Variants in INPP5F observed in about 807,000 individuals in gnomAD.
INPP5F encodes inositol polyphosphate-5-phosphatase F.
Under a neutral mutation model 137.2 loss-of-function variants are expected in INPP5F, and 97 were observed. The observed-to-expected ratio is 0.71, with a 90% confidence interval of 0.60 to 0.84. The LOEUF (loss-of-function observed/expected upper bound fraction) is 0.84. Ranked by LOEUF, INPP5F falls within the 40% of genes least tolerant of loss-of-function variation. The probability of loss-of-function intolerance (pLI) is 0.00; values close to 1 mark genes in which losing one functional copy is unlikely to be tolerated. For missense variants in INPP5F, 1,271 were observed against 1,371.9 expected, an observed-to-expected ratio of 0.93 and a Z score of 1.16; for synonymous variants, 504 against 476.9, an observed-to-expected ratio of 1.06 and a Z score of -0.74.
At chr10:119,767,740 C>G (rs196198) in intron 2 of INPP5F, among the ~76,000 whole-genome samples, 3 of 152,062 alleles carry the variant, frequency 2.0e-5, no homozygotes, top group Non-Finnish European at 4.4e-5. Flanking sequence ...ATTAGCCTAA[C>G]GAAAACTGGT....
rs201734045 is a variant in INPP5F, at chr10:119,806,524, C to CT, written c.1440+53dup. 1,799 of 1,503,458 alleles carry CT rather than the reference C, an allele frequency of 1.2e-3. 6 individuals carry two copies. The African/African-American group carries it at 0.012, about 10-fold the overall frequency. The allele number at this position is 1,503,458 out of a possible 1,614,324, so 93.1% of individuals were successfully genotyped here. On this transcript the variant is annotated intron_variant, in intron 12 of 19. Transcript: ENST00000650623. ...GATTGCAAATATTCATTTCGAAATG[C>CT]TTTTTTTTTCCATGAGTAAGCAAAT... is the stretch of plus-strand genomic sequence containing the variant.
chr10:119,782,085 C>T (rs908674782), intron 3 of INPP5F, among the ~76,000 whole-genome samples: 1 of 152,172 alleles, frequency 6.6e-6, no homozygotes, highest in Non-Finnish European at 1.5e-5. Context: ...CTGCACAGTA[C>T]AGTTTGAAAA....
intron 2 of INPP5F, among the ~76,000 whole-genome samples, chr10:119,776,729 G>T (rs1849535535): frequency 6.6e-6 from 1 of 151,174 alleles, no homozygotes; most frequent in African/African-American, 2.4e-5. Context: ...AGAAAGAGAG[G>T]TCCTTGAGTC....
At position 119,812,857 on chromosome 10, in the gene INPP5F, A is replaced by G. The variant is rs192676607; in HGVS notation, c.1886+902A>G. ...TTTGTTTAAGCCATTTGGTAAAGCT[A>G]TTTTGATTCATGTCCTTCACTTGTA... is the stretch of plus-strand genomic sequence containing the variant. On this transcript the variant is annotated intron_variant, in intron 15 of 19. Coordinates refer to ENST00000650623, the MANE Select transcript of INPP5F (RefSeq NM_014937.4). Among the ~76,000 whole-genome samples, 32 of 151,920 alleles carry G rather than the reference A, an allele frequency of 2.1e-4. No homozygotes were observed. The East Asian group carries it at 4.1e-3, about 19-fold the overall frequency.
intron 3 of INPP5F, among the ~76,000 whole-genome samples, chr10:119,786,075 T>G (rs572324116): frequency 1.3e-5 from 2 of 152,362 alleles, no homozygotes; most frequent in South Asian, 4.1e-4. Flanking sequence ...CTGTTTAAAA[T>G]TTTAGCTTCA....
At chr10:119,765,707 A>G (rs1429185040) in intron 2 of INPP5F, among the ~76,000 whole-genome samples, 1 of 149,238 alleles carries the variant, frequency 6.7e-6, no homozygotes, top group Non-Finnish European at 1.5e-5. Flanking sequence ...ATGGGGAGTC[A>G]GCACCCCTAA....
intron 3 of INPP5F, among the ~76,000 whole-genome samples, chr10:119,785,288 T>TG (rs1849850055): frequency 4.3e-5 from 6 of 138,076 alleles, no homozygotes; most frequent in African/African-American, 1.4e-4. Context: ...GCCAGACTGT[T>TG]TTTTTTTTTT....
chr10:119,806,135 CCA>C (rs1039137444), intron 11 of INPP5F, among the ~76,000 whole-genome samples: 1 of 151,948 alleles, frequency 6.6e-6, no homozygotes, highest in Non-Finnish European at 1.5e-5. Context: ...TCTCTGCACC[CCA>C]GTTTTTTTTT....
chr10:119,752,926 A>G (rs2134127427), intron 2 of INPP5F, among the ~76,000 whole-genome samples: 1 of 150,958 alleles, frequency 6.6e-6, no homozygotes, highest in Admixed American at 6.6e-5. Flanking sequence ...TCACTGGGTA[A>G]TTGAGTTGTT....
intron 3 of INPP5F, among the ~76,000 whole-genome samples, chr10:119,785,688 G>A (rs1255429697): frequency 6.6e-6 from 1 of 151,956 alleles, no homozygotes; most frequent in Non-Finnish European, 1.5e-5. Flanking sequence ...GCAAGACCCT[G>A]TCTCTATGAA....
intron 1 of INPP5F, among the ~76,000 whole-genome samples, chr10:119,726,668 G>T (rs2134092340): frequency 6.6e-6 from 1 of 152,342 alleles, no homozygotes; most frequent in South Asian, 2.1e-4. Context: ...CCCTCCGGCA[G>T]AAAGTTCCAG....
intron 1 of INPP5F, among the ~76,000 whole-genome samples, chr10:119,727,235 A>G (rs1215816632): frequency 6.6e-6 from 1 of 152,184 alleles, no homozygotes; most frequent in Non-Finnish European, 1.5e-5. Flanking sequence ...AAGCGAGAGG[A>G]TAGAGTTCTT....
intron 2 of INPP5F, among the ~76,000 whole-genome samples, chr10:119,769,894 C>A (rs1459688281): frequency 6.6e-6 from 1 of 152,154 alleles, no homozygotes; most frequent in Non-Finnish European, 1.5e-5. Flanking sequence ...GTCACATGAG[C>A]AATTCCAATA....
chr10:119,777,883 A>C (rs1246781551), intron 2 of INPP5F, among the ~76,000 whole-genome samples: 1 of 152,192 alleles, frequency 6.6e-6, no homozygotes, highest in African/African-American at 2.4e-5. Flanking sequence ...ATGTTTCCAA[A>C]CTTCTGCATT....
At position 119,731,430 on chromosome 10, in the gene INPP5F, G is replaced by A. The variant is rs189903256; in HGVS notation, c.97+5071G>A. On this transcript the variant is annotated intron_variant, in intron 1 of 19. Coordinates refer to ENST00000650623, the MANE Select transcript of INPP5F (RefSeq NM_014937.4). Reference sequence around the variant, plus strand: ...TGTAATCCCAGCACTTTGGAAGGCCGAGGTGGATGGATCACTTGAGGTCAG... The same window carrying A: ...TGTAATCCCAGCACTTTGGAAGGCCAAGGTGGATGGATCACTTGAGGTCAG... Among the ~76,000 whole-genome samples, 318 of 152,238 alleles carry A rather than the reference G, an allele frequency of 2.1e-3. 3 individuals are homozygous for A. Among genetic ancestry groups the A allele is most frequent in the African/African-American group, 7.3e-3 (303 of 41,540 alleles).
chr10:119,792,349 C>T, intron 6 of INPP5F, 136 bp downstream of exon 6: 1 of 681,478 alleles, frequency 1.5e-6, no homozygotes, highest in South Asian at 2.0e-5. Context: ...ACGTTTTCCC[C>T]TATGGAATGG....
At chr10:119,794,770 ACGGGGCGGC>A in intron 6 of INPP5F, among the ~76,000 whole-genome samples, 1 of 116,764 alleles carries the variant, frequency 8.6e-6, no homozygotes, top group Non-Finnish European at 1.8e-5. Context: ...TCCCTCCCGG[ACGGGGCGGC>A]TGGCCGGGCG....
intron 2 of INPP5F, among the ~76,000 whole-genome samples, chr10:119,767,412 A>G (rs575878780): frequency 1.3e-5 from 2 of 152,334 alleles, no homozygotes; most frequent in East Asian, 1.9e-4. Flanking sequence ...TATCCCCTAC[A>G]GTGTAACCAC....
chr10:119,770,203 T>A (rs1849296881), intron 2 of INPP5F, among the ~76,000 whole-genome samples: 1 of 152,222 alleles, frequency 6.6e-6, no homozygotes, highest in African/African-American at 2.4e-5. Context: ...GTTACAAAAT[T>A]GACTTTTTCC....
Sources: allele counts gnomAD v4.1 joint callset (sites outside exome capture counted in the v4.1 genomes callset), GRCh38; gene constraint gnomAD v4.1.1; transcripts MANE v1.5; gene names NCBI Gene and HGNC (gene_info 2026-07-23, HGNC 2026-07-21).